Variants in KCNG3 observed in about 807,000 individuals in gnomAD.
KCNG3 encodes voltage-gated potassium channel regulatory subunit KCNG3.
In KCNG3, 15 loss-of-function variants were observed where a neutral mutation model predicts 29.0. That is an observed-to-expected ratio of 0.52 (90% CI 0.35 to 0.80). The LOEUF (loss-of-function observed/expected upper bound fraction) is 0.80. Ranked by LOEUF, KCNG3 falls within the 30% of genes least tolerant of loss-of-function variation. The pLI is 0.01. For synonymous variants in KCNG3, 322 were observed against 248.9 expected (o/e 1.29, Z -2.76); for missense variants, 512 against 605.7 (o/e 0.85, Z 1.62).
chr2:42,451,740 A>T (rs561135007), intron 1 of KCNG3, among the ~76,000 whole-genome samples: 8 of 151,878 alleles, frequency 5.3e-5, no homozygotes, highest in African/African-American at 1.9e-4. Context: ...AAATTAATTA[A>T]TTAATTAAAA....
At chr2:42,491,177 T>C (rs1057227583) in intron 1 of KCNG3, among the ~76,000 whole-genome samples, 3 of 152,146 alleles carry the variant, frequency 2.0e-5, no homozygotes, top group Admixed American at 2.0e-4. Flanking sequence ...CTTTTCCATC[T>C]CTGTCTTCCC....
At chr2:42,461,252 C>A (rs370335473) in intron 1 of KCNG3, among the ~76,000 whole-genome samples, 2 of 149,598 alleles carry the variant, frequency 1.3e-5, no homozygotes, top group African/African-American at 2.4e-5. Flanking sequence ...GAATTTCATC[C>A]ATCCCATGCA....
At chr2:42,451,241 A>G (rs1342183964) in intron 1 of KCNG3, among the ~76,000 whole-genome samples, 2 of 145,898 alleles carry the variant, frequency 1.4e-5, no homozygotes, top group Non-Finnish European at 3.0e-5. Flanking sequence ...ATTAAATGGT[A>G]TATGTCAACC....
At chr2:42,468,784 C>T (rs1008740012) in intron 1 of KCNG3, among the ~76,000 whole-genome samples, 11 of 151,522 alleles carry the variant, frequency 7.3e-5, no homozygotes, top group Non-Finnish European at 1.3e-4. Context: ...GAAACCCCGT[C>T]TCTACTAAAA....
the KCNG3 span, among the ~76,000 whole-genome samples, chr2:42,416,054 G>C: frequency 3.3e-5 from 5 of 151,980 alleles, no homozygotes; most frequent in African/African-American, 4.8e-5. Flanking sequence ...AATTAGCTGG[G>C]TGTGGTGGCG....
At chr2:42,480,906 T>TA (rs1673565348) in intron 1 of KCNG3, among the ~76,000 whole-genome samples, 1 of 151,994 alleles carries the variant, frequency 6.6e-6, no homozygotes, top group South Asian at 2.1e-4. Flanking sequence ...TCAGTCTCCC[T>TA]AGTAGCTGGG....
the KCNG3 span, among the ~76,000 whole-genome samples, chr2:42,420,195 G>C: frequency 6.6e-6 from 1 of 152,108 alleles, no homozygotes; most frequent in African/African-American, 2.4e-5. Flanking sequence ...TTGAACTCCA[G>C]TCTGGGTGAC....
the KCNG3 span, among the ~76,000 whole-genome samples, chr2:42,427,437 T>TGTA: frequency 6.6e-5 from 10 of 151,508 alleles, no homozygotes; most frequent in Non-Finnish European, 1.5e-4. Flanking sequence ...AAACCCCATC[T>TGTA]CTATTAAAAA....
chr2:42,475,232 G>T (rs966532448), intron 1 of KCNG3, among the ~76,000 whole-genome samples: 4 of 152,060 alleles, frequency 2.6e-5, no homozygotes, highest in African/African-American at 7.2e-5. Flanking sequence ...GGCTGAGGCA[G>T]GAGGATAGCC....
At chr2:42,441,611 T>C (rs1351582764), downstream of KCNG3, among the ~76,000 whole-genome samples, 1 of 151,816 alleles carries the variant, frequency 6.6e-6, no homozygotes, top group African/African-American at 2.4e-5. Flanking sequence ...TGAAAATCGG[T>C]CCTATGGAAA....
the KCNG3 span, among the ~76,000 whole-genome samples, chr2:42,408,304 G>C: frequency 6.6e-6 from 1 of 152,186 alleles, no homozygotes; most frequent in African/African-American, 2.4e-5. Context: ...TAGGGGCTGG[G>C]CTGCCTGTCC....
the KCNG3 span, among the ~76,000 whole-genome samples, chr2:42,429,471 A>C: frequency 2.6e-5 from 4 of 152,192 alleles, no homozygotes; most frequent in African/African-American, 9.6e-5. Context: ...AGTAAAATTC[A>C]TTTTCTACTC....
At chr2:42,430,872 G>A in the KCNG3 span, among the ~76,000 whole-genome samples, 3 of 152,252 alleles carry the variant, frequency 2.0e-5, no homozygotes, top group Non-Finnish European at 4.4e-5. Flanking sequence ...AACTTTGGGA[G>A]GCTGAGGTGG....
chr2:42,471,395 A>G (rs1673285008), intron 1 of KCNG3, among the ~76,000 whole-genome samples: 1 of 152,202 alleles, frequency 6.6e-6, no homozygotes, highest in South Asian at 2.1e-4. Context: ...GCAGCCAGAC[A>G]CAAAAGGCTC....
At chr2:42,459,008 C>A (rs575164483) in intron 1 of KCNG3, among the ~76,000 whole-genome samples, 3 of 152,068 alleles carry the variant, frequency 2.0e-5, no homozygotes, top group Non-Finnish European at 4.4e-5. Context: ...ACGAGTCCGA[C>A]CAACATGGTG....
the KCNG3 span, among the ~76,000 whole-genome samples, chr2:42,392,208 T>C: frequency 6.6e-6 from 1 of 152,160 alleles, no homozygotes; most frequent in Non-Finnish European, 1.5e-5. Context: ...CTTCCTCTAA[T>C]GCATTCAGGG....
intron 1 of KCNG3, chr2:42,464,135 C>T: frequency 5.0e-6 from 1 of 200,220 alleles, no homozygotes; most frequent in Non-Finnish European, 1.0e-5. Flanking sequence ...TATTTCCTAA[C>T]AACAGGTAAC....
chr2:42,424,421 C>T, the KCNG3 span, among the ~76,000 whole-genome samples: 1 of 148,014 alleles, frequency 6.8e-6, no homozygotes, highest in Admixed American at 6.7e-5. Flanking sequence ...TATGAAAATT[C>T]CCCCTCCGTC....
the KCNG3 span, among the ~76,000 whole-genome samples, chr2:42,395,517 T>C: frequency 6.6e-6 from 1 of 152,144 alleles, no homozygotes; most frequent in Non-Finnish European, 1.5e-5. Flanking sequence ...TACTGTATTG[T>C]TTACTTTGGT....
Sources: gnomAD v4.1 joint callset for allele counts (sites outside exome capture counted in the v4.1 genomes callset) on GRCh38, gnomAD v4.1.1 for gene constraint, MANE v1.5 for transcripts, NCBI Gene and HGNC (gene_info 2026-07-23, HGNC 2026-07-21) for gene names.